The following RBM47 variants were observed in gnomAD, a reference collection of about 807,000 sequenced individuals.
RBM47 encodes RNA-binding protein 47.
In RBM47, 21 loss-of-function variants were observed where a neutral mutation model predicts 47.1. That is an observed-to-expected ratio of 0.45 (90% CI 0.32 to 0.64). RBM47 has a LOEUF of 0.64. RBM47 is among the 30% of genes least tolerant of loss of function. RBM47 has a pLI of 0.05. For missense variants in RBM47, 708 were observed against 870.9 expected (o/e 0.81, Z 2.35); for synonymous variants, 375 against 361.7 (o/e 1.04, Z -0.42).
chr4:40,473,612 G>A (rs1719221587), intron 2 of RBM47, among the ~76,000 whole-genome samples: 6 of 152,140 alleles, frequency 3.9e-5, no homozygotes, highest in Admixed American at 3.9e-4. Context: ...TCAACTTTTT[G>A]GGTGACGAAT....
At chr4:40,593,120 G>C (rs1369879866) in intron 1 of RBM47, among the ~76,000 whole-genome samples, 1 of 143,050 alleles carries the variant, frequency 7.0e-6, no homozygotes, top group South Asian at 2.3e-4. Context: ...TCAGCCTCCC[G>C]AGTAGCTGGG....
chr4:40,427,820 T>C (rs916669832), intron 6 of RBM47, among the ~76,000 whole-genome samples: 13 of 152,008 alleles, frequency 8.6e-5, no homozygotes, highest in African/African-American at 3.1e-4. Context: ...CTAAGATTAC[T>C]TTTTAAAACT....
intron 1 of RBM47, among the ~76,000 whole-genome samples, chr4:40,595,815 G>GA (rs1312722911): frequency 6.6e-6 from 1 of 151,004 alleles, no homozygotes; most frequent in Non-Finnish European, 1.5e-5. Flanking sequence ...TGAGGCAGGA[G>GA]AATTGCTTGA....
chr4:40,573,700 A>T (rs990467163), intron 1 of RBM47, among the ~76,000 whole-genome samples: 1 of 151,194 alleles, frequency 6.6e-6, no homozygotes, highest in Non-Finnish European at 1.5e-5. Context: ...ACTAAACTCC[A>T]GCCTGGGGAA....
intron 2 of RBM47, among the ~76,000 whole-genome samples, chr4:40,509,836 T>C (rs979696698): frequency 6.6e-6 from 1 of 151,030 alleles, no homozygotes; most frequent in Non-Finnish European, 1.5e-5. Flanking sequence ...TGAGCGGAGA[T>C]TGCGCCACTG....
chr4:40,497,560 AC>A (rs1218862369), intron 2 of RBM47, among the ~76,000 whole-genome samples: 3 of 152,162 alleles, frequency 2.0e-5, no homozygotes, highest in African/African-American at 7.2e-5. Flanking sequence ...TCAAGGCTGC[AC>A]TGCAGCCTGG....
At chr4:40,615,136 T>A (rs11946706) in intron 1 of RBM47, among the ~76,000 whole-genome samples, 16,341 of 151,546 alleles carry the variant, frequency 0.11, 934 homozygotes, top group South Asian at 0.12. Flanking sequence ...AAAAAAATAA[T>A]AATAATAAAA....
chr4:40,457,787 T>C lies in RBM47; in HGVS notation c.-32+8790A>G, dbSNP rs1313093350. ...TTAAATTTTACTATCACATTGGGGATTAAGTTTAAAAAAATTTTCTTAAAT... is the reference window on the plus strand; with the variant it reads ...TTAAATTTTACTATCACATTGGGGACTAAGTTTAAAAAAATTTTCTTAAAT... On this transcript the variant is annotated intron_variant, in intron 3 of 6. Transcript: ENST00000295971. Among the ~76,000 whole-genome samples, 3 of 152,160 alleles carry C rather than the reference T, an allele frequency of 2.0e-5. No homozygotes were observed. In the East Asian group the frequency reaches 5.8e-4, roughly 29 times the overall value.
Position 40,438,513 on chromosome 4 carries a change from T to G in RBM47, c.381A>C (p.Ala127=), listed in dbSNP as rs1713083003. 1 of 1,613,580 alleles carries G rather than the reference T, an allele frequency of 6.2e-7. No homozygotes were observed. The highest frequency in any genetic ancestry group is 8.5e-7 in the Non-Finnish European group (1 of 1,179,874). ...MYCHKHEAKR[A]VRELNNYEIR... ...TCTCGTAGTTGTTGAGCTCACGCAC[T>G]GCGCGCTTGGCCTCGTGCTTGTGGC... Residue 127 remains alanine, a synonymous_variant, in exon 4 of 7, where the codon GCA becomes GCC. Coordinates refer to ENST00000295971, the MANE Select transcript of RBM47 (RefSeq NM_001098634.2).
chr4:40,481,480 A>ATTT (rs1464074002), intron 2 of RBM47, among the ~76,000 whole-genome samples: 1 of 114,196 alleles, frequency 8.8e-6, no homozygotes. Context: ...TATTATTATT[A>ATTT]TTATTATTTT....
In RBM47 at chr4:40,572,755, T is replaced by C. The variant is rs571091680; in HGVS notation, c.-239-28249A>G. Among the ~76,000 whole-genome samples, 213 of 151,938 alleles carry C rather than the reference T, an allele frequency of 1.4e-3. 7 individuals are homozygous for C. The highest frequency in any genetic ancestry group is 2.6e-3 in the Non-Finnish European group (174 of 67,898). Reference sequence around the variant, plus strand: ...TTTAAATAATAAAAATTTTAAAAAATAATAATAATGAAAAAGTCTTCAACA... The same window carrying C: ...TTTAAATAATAAAAATTTTAAAAAACAATAATAATGAAAAAGTCTTCAACA... On this transcript the variant is annotated intron_variant, in intron 1 of 6. Coordinates refer to ENST00000295971, the MANE Select transcript of RBM47 (RefSeq NM_001098634.2).
chr4:40,538,770 A>G (rs922024621), intron 2 of RBM47, among the ~76,000 whole-genome samples: 15 of 152,044 alleles, frequency 9.9e-5, no homozygotes, highest in African/African-American at 3.6e-4. Context: ...AGTAGCTGAC[A>G]TTACAGATGT....
chr4:40,436,394 TG>T, intron 5 of RBM47, 46 bp downstream of exon 5: 1 of 1,558,438 alleles, frequency 6.4e-7, no homozygotes, highest in Non-Finnish European at 8.8e-7. Flanking sequence ...ACAGAAGGGC[TG>T]GGGTTTATGC....
At chr4:40,516,710 C>T (rs1200352537) in intron 2 of RBM47, among the ~76,000 whole-genome samples, 2 of 152,184 alleles carry the variant, frequency 1.3e-5, no homozygotes, top group African/African-American at 4.8e-5. Context: ...GCTGACAGGC[C>T]AGGGGCTGAG....
intron 6 of RBM47, chr4:40,427,509 G>C (rs895488166): frequency 2.6e-5 from 4 of 152,178 alleles, no homozygotes; most frequent in Non-Finnish European, 5.9e-5. Flanking sequence ...CAAAGTGTTT[G>C]CCATGGAACT....
At chr4:40,568,554 A>G (rs1055901708) in intron 1 of RBM47, among the ~76,000 whole-genome samples, 25 of 151,012 alleles carry the variant, frequency 1.7e-4, no homozygotes, top group African/African-American at 6.1e-4. Flanking sequence ...CCCTCCAAAA[A>G]CAAAAGCAAA....
intron 2 of RBM47, among the ~76,000 whole-genome samples, chr4:40,529,931 CT>C (rs1184871315): frequency 0.015 from 1,818 of 124,450 alleles, 17 homozygotes; most frequent in African/African-American, 0.052. Flanking sequence ...ATTAGACCCC[CT>C]TTTTTTTTTT....
intron 2 of RBM47, among the ~76,000 whole-genome samples, chr4:40,504,539 C>T (rs544593599): frequency 1.3e-5 from 2 of 152,166 alleles, no homozygotes; most frequent in South Asian, 2.1e-4. Flanking sequence ...GTGATCCACC[C>T]GCCTCGGCCC....
At chr4:40,485,790 T>C (rs1465196750) in intron 2 of RBM47, among the ~76,000 whole-genome samples, 1 of 151,424 alleles carries the variant, frequency 6.6e-6, no homozygotes, top group African/African-American at 2.4e-5. Context: ...CCGGGTAGGG[T>C]GGCTCACTCA....
Sources: gnomAD v4.1 joint callset for allele counts (sites outside exome capture counted in the v4.1 genomes callset) on GRCh38, gnomAD v4.1.1 for gene constraint, MANE v1.5 for transcripts, NCBI Gene and HGNC (gene_info 2026-07-23, HGNC 2026-07-21) for gene names.